Variants in CD34 observed in about 807,000 individuals in gnomAD.
The protein encoded by CD34 is hematopoietic progenitor cell antigen CD34.
CD34 carries 34 observed loss-of-function variants against 40.1 expected under a neutral mutation model. The observed-to-expected ratio is 0.85, with a 90% CI of 0.65 to 1.13. The LOEUF (loss-of-function observed/expected upper bound fraction) is 1.13, where lower values mean the gene tolerates loss of function less well. Among genes scored for constraint, CD34 ranks in the 50% most tolerant of loss-of-function variants. CD34 has a pLI of 0.00. For missense variants in CD34, 426 were observed against 466.9 expected (o/e 0.91, Z 0.81); for synonymous variants, 209 against 190.0 (o/e 1.10, Z -0.82).
In CD34 at chr1:207,899,985, A is replaced by G. The variant is rs137941074; in HGVS notation, c.98T>C (p.Leu33Pro). ...LSLLPSGFMS[L>P]DNNGTATPEL... ...TGGGGTAGCAGTACCGTTGTTGTCA[A>G]GACTCATGAACCCAGAAGCTATAGG... The change falls in exon 2 of 8, where the codon CTT (leucine) becomes CCT (proline). Residue 33 changes from leucine to proline, a missense_variant. By Grantham distance (98) the Leu-to-Pro change is moderately conservative. Transcript: ENST00000310833. 1,533 of 1,611,600 alleles carry G rather than the reference A, an allele frequency of 9.5e-4. 14 individuals carry two copies. In the African/African-American group the frequency reaches 0.018, roughly 19 times the overall value.
chr1:207,889,732 T>A (rs1558117924), intron 4 of CD34, 111 bp from the exon 5 acceptor site: 3 of 1,588,722 alleles, frequency 1.9e-6, no homozygotes, highest in African/African-American at 1.4e-5. Flanking sequence ...GCAAGAAGGA[T>A]CCTTGTTTCT....
chr1:207,910,411 T>C (rs1043268991), intron 1 of CD34, among the ~76,000 whole-genome samples: 1 of 152,150 alleles, frequency 6.6e-6, no homozygotes, highest in African/African-American at 2.4e-5. Context: ...GCAAGGTTTT[T>C]GTTTGGTTGG....
intron 4 of CD34, among the ~76,000 whole-genome samples, chr1:207,892,145 G>C (rs963849738): frequency 6.6e-6 from 1 of 152,064 alleles, no homozygotes; most frequent in Non-Finnish European, 1.5e-5. Context: ...CCTCAATGAA[G>C]CTGGTCCTAC....
At chr1:207,910,288 G>C (rs1397295350) in intron 1 of CD34, among the ~76,000 whole-genome samples, 1 of 152,152 alleles carries the variant, frequency 6.6e-6, no homozygotes, top group Admixed American at 6.6e-5. Context: ...CAGGGGTGAC[G>C]GTTTTTGGTA....
chr1:207,903,155 G>A (rs1662311342), intron 1 of CD34, among the ~76,000 whole-genome samples: 1 of 152,196 alleles, frequency 6.6e-6, no homozygotes, highest in Non-Finnish European at 1.5e-5. Context: ...CAGGGAGAGT[G>A]CATCTTTTAG....
chr1:207,895,784 A>G (rs1017820542), intron 4 of CD34, among the ~76,000 whole-genome samples: 1 of 152,160 alleles, frequency 6.6e-6, no homozygotes, highest in Non-Finnish European at 1.5e-5. Flanking sequence ...ATGCTCCACC[A>G]AGTCGATGGG....
chr1:207,892,265 G>T (rs2250321), intron 4 of CD34, among the ~76,000 whole-genome samples: 46,620 of 151,966 alleles, frequency 0.31, 8,169 homozygotes, highest in East Asian at 0.4. Context: ...GGTTGTTGTG[G>T]TGACTAAATA....
Position 207,887,320 on chromosome 1 carries a change from G to A in CD34, c.*418C>T. Reference sequence around the variant, plus strand: ...CCTCAAAGTAGAGAAAGAAAATACAGGGAAGAAACGGTAAAAATCAAAGCT... The same window carrying A: ...CCTCAAAGTAGAGAAAGAAAATACAAGGAAGAAACGGTAAAAATCAAAGCT... On this transcript the variant is annotated 3_prime_UTR_variant, in exon 8 of 8. Coordinates refer to ENST00000310833, the MANE Select transcript of CD34 (RefSeq NM_001025109.2). The A allele has an allele frequency of 5.6e-6, 1 of 177,282 alleles. No homozygotes were observed. The allele number at this position is 177,282 out of a possible 1,614,324, so 11.0% of individuals were successfully genotyped here. A position where few individuals can be genotyped will look rare whatever the true frequency, so the allele number is the denominator to read the frequency against.
chr1:207,910,165 A>T (rs1662475880), intron 1 of CD34, among the ~76,000 whole-genome samples: 1 of 152,110 alleles, frequency 6.6e-6, no homozygotes, highest in Non-Finnish European at 1.5e-5. Flanking sequence ...CCTTAAGAGT[A>T]AGGATATGTG....
In CD34 at chr1:207,888,766, G is replaced by A. The variant is rs751143035; in HGVS notation, c.888C>T (p.Thr296=). 1 of 1,614,186 alleles carries A rather than the reference G, an allele frequency of 6.2e-7. No homozygotes were observed. The highest frequency in any genetic ancestry group is 8.5e-7 in the Non-Finnish European group (1 of 1,180,010). The change falls in exon 7 of 8, where the codon ACC becomes ACT. Residue 296 remains threonine (T), a synonymous_variant. Coordinates refer to ENST00000310833, the MANE Select transcript of CD34 (RefSeq NM_001025109.2). ...CCAAGACAGCCAGCAGGGCTCCCGA[G>A]GTGACCAGTGCAATCAGGGTCTTTT... ...YSQKTLIALV[T]SGALLAVLGI...
In CD34 at chr1:207,884,258, T is replaced by C. The variant is rs1375999862; in HGVS notation, c.*3480A>G. ...TATTTTTCTAAAAGTAACCACCATA[T>C]GTAAAATACCAACCATTATTCTCAA... On this transcript the variant is annotated 3_prime_UTR_variant, in exon 8 of 8. Transcript: ENST00000310833. 1.3e-5 allele frequency: 2 copies of C among 152,252 alleles called. No homozygotes were observed. Among genetic ancestry groups the C allele is most frequent in the African/African-American group, 4.8e-5 (2 of 41,466 alleles). 9.4% of individuals were successfully genotyped at this position (152,252 alleles called of 1,614,324 possible).
intron 1 of CD34, among the ~76,000 whole-genome samples, chr1:207,908,861 C>T (rs1334613140): frequency 1.3e-5 from 2 of 152,170 alleles, no homozygotes; most frequent in Non-Finnish European, 2.9e-5. Context: ...AAAGAACTTC[C>T]CAAAACAAGC....
Position 207,899,793 on chromosome 1 carries a change from C to T in CD34, c.262+28G>A, listed in dbSNP as rs115689797. On this transcript the variant is annotated intron_variant, in intron 2 of 7. Transcript: ENST00000310833. ...TACCCAAGCATCACCAGCATCTCTC[C>T]GGGATCTGACACAAATGCTGTTTTT... The T allele has an allele frequency of 4.8e-5, 77 of 1,590,048 alleles. No individual in the cohort carries two copies. In the African/African-American group the frequency reaches 8.6e-4, roughly 18 times the overall value.
At chr1:207,889,314 T>C (rs965913437) in intron 5 of CD34, 101 bp from the exon 6 acceptor site, 1 of 1,586,564 alleles carries the variant, frequency 6.3e-7, no homozygotes, top group Non-Finnish European at 8.6e-7. Flanking sequence ...GCCAGGGTGG[T>C]CCATCTCGGG....
At chr1:207,902,604 G>T (rs147831199) in intron 1 of CD34, among the ~76,000 whole-genome samples, 20 of 152,098 alleles carry the variant, frequency 1.3e-4, no homozygotes, top group Non-Finnish European at 2.6e-4. Flanking sequence ...CTTCCTCTTC[G>T]CCCCCAGCAT....
chr1:207,888,016 G>C, intron 7 of CD34, 93 bp from the exon 8 acceptor site: 1 of 1,554,212 alleles, frequency 6.4e-7, no homozygotes, highest in Non-Finnish European at 8.7e-7. Context: ...TGGGGGCAGG[G>C]GTGGGAGAAG....
rs1661857065 is a variant in CD34 at position 207,884,164 on chromosome 1, T to A, written c.*3574A>T. The A allele has an allele frequency of 6.6e-6, 1 of 152,224 alleles. No homozygotes were observed. Among genetic ancestry groups the A allele is most frequent in the East Asian group, 1.9e-4 (1 of 5,206 alleles). The allele number at this position is 152,224 out of a possible 1,614,324, so 9.4% of individuals were successfully genotyped here. A position where few individuals can be genotyped will look rare whatever the true frequency, so the allele number is the denominator to read the frequency against. ...CACTTGTCCTTTCCCCTGTGTGGGA[T>A]AATCTCTCCCAGCTTGGCATACAAC... is the stretch of plus-strand genomic sequence containing the variant. On this transcript the variant is annotated 3_prime_UTR_variant, in exon 8 of 8. Transcript: ENST00000310833.
chr1:207,910,292 T>C (rs1268917664), intron 1 of CD34, among the ~76,000 whole-genome samples: 1 of 152,114 alleles, frequency 6.6e-6, no homozygotes, highest in African/African-American at 2.4e-5. Flanking sequence ...GGTGACGGTT[T>C]TTGGTAAGGC....
chr1:207,906,643 G>A (rs6688657), intron 1 of CD34, among the ~76,000 whole-genome samples: 282 of 152,128 alleles, frequency 1.9e-3, no homozygotes, highest in African/African-American at 6.4e-3. Flanking sequence ...TCAGGAGTTC[G>A]AGACCAGCCT....
Sources: gnomAD v4.1 joint callset for allele counts (sites outside exome capture counted in the v4.1 genomes callset) on GRCh38, gnomAD v4.1.1 for gene constraint, MANE v1.5 for transcripts, NCBI Gene and HGNC (gene_info 2026-07-23, HGNC 2026-07-21) for gene names.